Variants in DNAH5 observed in about 807,000 individuals in gnomAD.
The protein encoded by DNAH5 is axonemal beta dynein heavy chain 5.
In DNAH5, 372 loss-of-function variants were observed where a neutral mutation model predicts 518.2. That is an observed-to-expected ratio of 0.72 (90% CI 0.66 to 0.78). DNAH5 has a LOEUF of 0.78. DNAH5 is among the 30% of genes least tolerant of loss of function. DNAH5 has a pLI of 0.00. For missense variants in DNAH5, 5,523 were observed against 5,687.0 expected (o/e 0.97, Z 0.93); for synonymous variants, 2,039 against 2,025.9 (o/e 1.01, Z -0.17).
chr5:13,932,366 T>A (rs1230996023), intron 1 of DNAH5: 1 of 152,226 alleles, frequency 6.6e-6, no homozygotes, highest in African/African-American at 2.4e-5. Flanking sequence ...GGGGTGGGGA[T>A]GACAGGACAG....
At chr5:13,919,507 G>C (rs1777026853) in intron 6 of DNAH5, 155 bp from the exon 7 acceptor site, 1 of 808,702 alleles carries the variant, frequency 1.2e-6, no homozygotes, top group African/African-American at 1.7e-5. Flanking sequence ...TACTCACTTA[G>C]CATGCATCCA....
At chr5:13,882,454 G>T (rs1477385131) in intron 21 of DNAH5, among the ~76,000 whole-genome samples, 1 of 151,576 alleles carries the variant, frequency 6.6e-6, no homozygotes, top group African/African-American at 2.4e-5. Context: ...TGCATTAAAA[G>T]ATCATTCATC....
At position 13,762,871 on chromosome 5, in the gene DNAH5, C is replaced by A; in HGVS notation, c.10132G>T (p.Val3378Leu). ...QFPKDTINEE[V>L]IEFLSPYFEM... ...AAGTAAGGACTCAAAAATTCTATCA[C>A]CTCTTCATTGATTGTGTCTTTTGGG... The change falls in exon 60 of 79, where the codon GTG (valine) becomes TTG (leucine). Residue 3378 changes from valine (V) to leucine (L), a missense_variant. Val to Leu is a conservative substitution (Grantham distance 32). This residue lies in a region of DNAH5 where 5,121 missense variants were observed against 5,223.3 expected (regional missense o/e 0.98). Transcript: ENST00000265104. 6.2e-7 allele frequency: 1 copy of A among 1,613,910 alleles called. No homozygotes were observed. Among genetic ancestry groups the A allele is most frequent in the East Asian group, 2.2e-5 (1 of 44,880 alleles).
At chr5:13,769,200 C>T (rs1029667063) in intron 57 of DNAH5, 64 bp from the exon 58 acceptor site, 5 of 1,479,196 alleles carry the variant, frequency 3.4e-6, no homozygotes, top group African/African-American at 2.8e-5. Flanking sequence ...TGAAAATGCA[C>T]ATTTTTGCCT....
intron 1 of DNAH5, among the ~76,000 whole-genome samples, chr5:14,006,812 C>T (rs779262368): frequency 1.2e-4 from 19 of 152,170 alleles, no homozygotes; most frequent in Non-Finnish European, 2.8e-4. Flanking sequence ...GACAGGAGGG[C>T]TTGGTCTTTT....
chr5:13,901,577 A>AT lies in DNAH5; in HGVS notation c.1731-5dup, dbSNP rs1489967874. 2 of 1,598,498 alleles carry AT rather than the reference A, an allele frequency of 1.3e-6. No homozygotes were observed. Among genetic ancestry groups the AT allele is most frequent in the East Asian group, 2.2e-5 (1 of 44,666 alleles). Reference sequence around the variant, plus strand: ...ACCAAGATTAGGTATATTCAATCTGATTTTTTTAAAAAGTTAAAAGCTTGA... The same window carrying AT: ...ACCAAGATTAGGTATATTCAATCTGATTTTTTTTAAAAAGTTAAAAGCTTGA... On this transcript the variant is annotated splice_polypyrimidine_tract_variant and splice_region_variant and intron_variant, in intron 13 of 78. Transcript: ENST00000265104.
chr5:13,906,003 C>T (rs114805938), intron 12 of DNAH5, among the ~76,000 whole-genome samples: 2,016 of 152,214 alleles, frequency 0.013, 44 homozygotes, highest in African/African-American at 0.045. Flanking sequence ...ACGCATATCA[C>T]TAACTAAAAG....
At chr5:13,831,065 G>A (rs931748363) in intron 35 of DNAH5, among the ~76,000 whole-genome samples, 3 of 152,212 alleles carry the variant, frequency 2.0e-5, no homozygotes, top group African/African-American at 4.8e-5. Context: ...TATGCAGAGA[G>A]AATCTCCAGG....
At chr5:13,990,946 C>T (rs1021438895) in intron 1 of DNAH5, among the ~76,000 whole-genome samples, 8 of 152,174 alleles carry the variant, frequency 5.3e-5, no homozygotes, top group African/African-American at 1.9e-4. Context: ...ATTAACTGCA[C>T]AGAGCCAGAA....
At chr5:13,833,148 G>T (rs1254370058) in intron 35 of DNAH5, among the ~76,000 whole-genome samples, 1 of 75,248 alleles carries the variant, frequency 1.3e-5, no homozygotes, top group East Asian at 6.9e-4. Context: ...AAAAAAGAAT[G>T]TGTTAACATA....
intron 68 of DNAH5, among the ~76,000 whole-genome samples, chr5:13,730,713 T>C (rs549366186): frequency 6.6e-6 from 1 of 151,732 alleles, no homozygotes; most frequent in South Asian, 2.1e-4. Context: ...TTATTTTTTT[T>C]TTTTTTTGAG....
At chr5:13,794,101 C>T in intron 47 of DNAH5, 43 bp from the exon 48 acceptor site, 1 of 1,613,384 alleles carries the variant, frequency 6.2e-7, no homozygotes, top group South Asian at 1.1e-5. Flanking sequence ...AAAATATCCC[C>T]TAAAACCTGG....
Position 13,811,829 on chromosome 5 carries a change from AGTT to A in DNAH5, c.7231-9_7231-7del, listed in dbSNP as rs767589928. 7.4e-6 allele frequency: 12 copies of A among 1,613,956 alleles called. No homozygotes were observed. The African/African-American group carries it at 1.5e-4, about 20-fold the overall frequency. On this transcript the variant is annotated splice_polypyrimidine_tract_variant and splice_region_variant and intron_variant, in intron 43 of 78. Coordinates refer to ENST00000265104, the MANE Select transcript of DNAH5 (RefSeq NM_001369.3). ...GAGCGTTTCTTAAGAAAACCCTGTCAGTTCACAGACAAGTGTATTCATGAAACT... is the reference window on the plus strand; with the variant it reads ...GAGCGTTTCTTAAGAAAACCCTGTCACACAGACAAGTGTATTCATGAAACT...
chr5:13,838,528 C>T (rs193068932), intron 35 of DNAH5, among the ~76,000 whole-genome samples: 74 of 152,166 alleles, frequency 4.9e-4, no homozygotes, highest in African/African-American at 1.6e-3. Context: ...TCTAGGTTGC[C>T]CACTCCTTAC....
chr5:13,864,760 C>T, intron 27 of DNAH5, 123 bp from the exon 28 acceptor site: 1 of 1,093,560 alleles, frequency 9.1e-7, no homozygotes, highest in Non-Finnish European at 1.4e-6. Context: ...ATTTTAAATC[C>T]CATGACTTGC....
intron 22 of DNAH5, among the ~76,000 whole-genome samples, chr5:13,872,795 C>T (rs996217303): frequency 6.6e-6 from 1 of 152,138 alleles, no homozygotes; most frequent in African/African-American, 2.4e-5. Context: ...CTGTGTGCCA[C>T]TCCCCCTCCA....
At chr5:13,774,013 C>T (rs1284019885) in intron 55 of DNAH5, among the ~76,000 whole-genome samples, 2 of 152,034 alleles carry the variant, frequency 1.3e-5, no homozygotes. Flanking sequence ...AGGATCAGCT[C>T]TTCCCAGCAC....
rs756960542 is a variant in DNAH5 at position 13,794,078 on chromosome 5, T to A, written c.7888-20A>T. 4.0e-5 allele frequency: 64 copies of A among 1,613,794 alleles called. No homozygotes were observed. In the East Asian group the frequency reaches 1.3e-3, roughly 33 times the overall value. Reference sequence around the variant, plus strand: ...CGTCCTCTGTGAAAAAAAAATCAACTGAAACATCTGTGAAAATATCCCCTA... The same window carrying A: ...CGTCCTCTGTGAAAAAAAAATCAACAGAAACATCTGTGAAAATATCCCCTA... On this transcript the variant is annotated intron_variant, in intron 47 of 78. Coordinates refer to ENST00000265104, the MANE Select transcript of DNAH5 (RefSeq NM_001369.3).
intron 5 of DNAH5, 133 bp downstream of exon 5, chr5:13,921,965 GAGCAATAAA>G (rs1348026453): frequency 2.5e-6 from 2 of 786,996 alleles, no homozygotes; most frequent in Admixed American, 2.0e-5. Flanking sequence ...CATCTTGAAG[GAGCAATAAA>G]ATTGCCTACA....
Sources: allele counts gnomAD v4.1 joint callset (sites outside exome capture counted in the v4.1 genomes callset), GRCh38; gene constraint gnomAD v4.1.1; regional missense constraint gnomAD v4.1.1; transcripts MANE v1.5; gene names NCBI Gene and HGNC (gene_info 2026-07-23, HGNC 2026-07-21).